The following TRPM8 variants were observed in gnomAD, a reference collection of about 807,000 sequenced individuals.
TRPM8 encodes the protein transient receptor potential cation channel subfamily M member 8, also known as TRPM8 cationic channel.
In TRPM8, 110 loss-of-function variants were observed where a neutral mutation model predicts 133.7. That is an observed-to-expected ratio of 0.82 (90% CI 0.70 to 0.96). The LOEUF (loss-of-function observed/expected upper bound fraction) is 0.96. Among genes scored for constraint, TRPM8 ranks in the 40% least tolerant of loss-of-function variants. TRPM8 has a pLI of 0.00. For synonymous variants in TRPM8, 535 were observed against 532.3 expected, an observed-to-expected ratio of 1.01 and a Z score of -0.07; for missense variants, 1,291 against 1,379.5, an observed-to-expected ratio of 0.94 and a Z score of 1.02.
At chr2:233,970,111 G>A (rs1365056819) in intron 16 of TRPM8, 99 bp from the exon 17 acceptor site, 2 of 1,113,404 alleles carry the variant, frequency 1.8e-6, no homozygotes, top group African/African-American at 3.1e-5. Context: ...TCTTCCTCCT[G>A]GCTATGGGTC....
rs1462360383 is a variant in TRPM8, at chr2:234,019,331, C to T, written c.*2075C>T. ...CTGGTGGATGTTTTTGCAGGTTACT[C>T]TGAGAATTTTGCTTATGAAAAATCA... On this transcript the variant is annotated 3_prime_UTR_variant, in exon 26 of 26. Coordinates refer to ENST00000324695, the MANE Select transcript of TRPM8 (RefSeq NM_024080.5). 6.6e-6 allele frequency: 1 copy of T among 152,174 alleles called. No homozygotes were observed. The highest frequency in any genetic ancestry group is 2.4e-5 in the African/African-American group (1 of 41,446). 9.4% of individuals were successfully genotyped at this position (152,174 alleles called of 1,614,324 possible).
At chr2:234,007,977 C>A in intron 23 of TRPM8, 93 bp from the exon 24 acceptor site, 1 of 1,236,112 alleles carries the variant, frequency 8.1e-7, no homozygotes, top group Non-Finnish European at 1.2e-6. Flanking sequence ...GTATTCTGTA[C>A]TTTAATTTAA....
intron 11 of TRPM8, among the ~76,000 whole-genome samples, chr2:233,957,792 G>A (rs1691329576): frequency 6.6e-6 from 1 of 152,076 alleles, no homozygotes; most frequent in African/African-American, 2.4e-5. Context: ...GGCGACAATG[G>A]GAGTATTTAC....
At chr2:233,923,381 T>C (rs1224764816) in intron 1 of TRPM8, among the ~76,000 whole-genome samples, 1 of 152,166 alleles carries the variant, frequency 6.6e-6, no homozygotes, top group East Asian at 1.9e-4. Flanking sequence ...ACATGACAAA[T>C]CTCCAGTGTT....
At position 233,983,222 on chromosome 2, in the gene TRPM8, ATGG is replaced by A; in HGVS notation, c.2761_2761+2del. The A allele has an allele frequency of 6.2e-7, 1 of 1,614,114 alleles. No homozygotes were observed. Among genetic ancestry groups the A allele is most frequent in the Non-Finnish European group, 8.5e-7 (1 of 1,179,986 alleles). On this transcript the variant is annotated splice_donor_variant and coding_sequence_variant, in exon 20 of 26. Transcript: ENST00000324695. LOFTEE classifies it high-confidence loss of function. The stretch of plus-strand genomic sequence containing the variant: ...TTCGGCCAGGTGCCCAGTGACGTGG[ATGG>A]TAAGCCTGACTTGGCTCAGATGGAA...
intron 17 of TRPM8, among the ~76,000 whole-genome samples, chr2:233,973,115 G>A (rs190801966): frequency 6.6e-6 from 1 of 152,192 alleles, no homozygotes; most frequent in Non-Finnish European, 1.5e-5. Flanking sequence ...GCCCCAGGAC[G>A]GGGCCCTGCT....
At chr2:233,983,709 C>T (rs1692072418) in intron 20 of TRPM8, among the ~76,000 whole-genome samples, 3 of 152,144 alleles carry the variant, frequency 2.0e-5, no homozygotes, top group Admixed American at 6.5e-5. Flanking sequence ...TGCCCACACC[C>T]GATTTACAGA....
intron 2 of TRPM8, 148 bp from the exon 3 acceptor site, chr2:233,930,520 A>T: frequency 1.8e-6 from 1 of 543,910 alleles, no homozygotes; most frequent in South Asian, 4.0e-5. Context: ...TGTATACTCT[A>T]AAGGCATGAA....
At chr2:233,975,319 C>A (rs1022937514) in intron 17 of TRPM8, among the ~76,000 whole-genome samples, 6 of 152,196 alleles carry the variant, frequency 3.9e-5, no homozygotes, top group Non-Finnish European at 8.8e-5. Context: ...CATGGTAACA[C>A]TCAGGAGACC....
At chr2:233,947,705 T>C in intron 8 of TRPM8, 1 of 885,106 alleles carries the variant, frequency 1.1e-6, no homozygotes, top group Non-Finnish European at 1.6e-6. Flanking sequence ...CCAATCTGTA[T>C]GGACTCATTA....
At chr2:233,974,591 C>T (rs1042914052) in intron 17 of TRPM8, among the ~76,000 whole-genome samples, 1 of 152,176 alleles carries the variant, frequency 6.6e-6, no homozygotes, top group Non-Finnish European at 1.5e-5. Context: ...CCCGCTGGTT[C>T]CTGGCAGGCC....
intron 22 of TRPM8, among the ~76,000 whole-genome samples, chr2:234,001,109 C>T (rs749028309): frequency 2.6e-5 from 4 of 152,200 alleles, no homozygotes; most frequent in Non-Finnish European, 1.5e-5. Flanking sequence ...TCACATTTCT[C>T]TCTGCATCCC....
chr2:233,962,505 C>A (rs917374302), intron 12 of TRPM8, among the ~76,000 whole-genome samples: 1 of 152,138 alleles, frequency 6.6e-6, no homozygotes, highest in South Asian at 2.1e-4. Context: ...TGCCTCAAAT[C>A]CTTGTCTCAG....
intron 17 of TRPM8, among the ~76,000 whole-genome samples, chr2:233,975,333 G>C (rs916718572): frequency 6.6e-6 from 1 of 152,180 alleles, no homozygotes; most frequent in Non-Finnish European, 1.5e-5. Context: ...GGAGACCAGC[G>C]CTGGGGAGCT....
At chr2:233,931,587 C>A (rs1264952825) in intron 3 of TRPM8, among the ~76,000 whole-genome samples, 13 of 152,208 alleles carry the variant, frequency 8.5e-5, no homozygotes, top group Admixed American at 8.5e-4. Context: ...CAATTATTCT[C>A]TTTTCTAAAG....
At chr2:233,993,092 A>G (rs545626943) in intron 21 of TRPM8, among the ~76,000 whole-genome samples, 65 of 152,240 alleles carry the variant, frequency 4.3e-4, no homozygotes, top group Admixed American at 9.2e-4. Context: ...ACCTCGGTGT[A>G]TAAATAAATC....
chr2:233,999,401 C>T (rs762099857), intron 22 of TRPM8, among the ~76,000 whole-genome samples: 14 of 152,220 alleles, frequency 9.2e-5, no homozygotes, highest in Non-Finnish European at 1.8e-4. Flanking sequence ...ACTTCTGCTG[C>T]GTTCTATTGG....
chr2:233,985,381 G>A (rs561231166), intron 20 of TRPM8, among the ~76,000 whole-genome samples: 2 of 152,328 alleles, frequency 1.3e-5, no homozygotes, highest in South Asian at 2.1e-4. Context: ...GACTTTAAAT[G>A]TGTGTGGTTG....
intron 17 of TRPM8, among the ~76,000 whole-genome samples, chr2:233,973,521 A>G (rs1182018758): frequency 1.3e-5 from 2 of 152,220 alleles, no homozygotes; most frequent in African/African-American, 4.8e-5. Flanking sequence ...CATTCGTCGT[A>G]CTGGATCAGG....
Sources: allele counts gnomAD v4.1 joint callset (sites outside exome capture counted in the v4.1 genomes callset), GRCh38; gene constraint gnomAD v4.1.1; transcripts MANE v1.5; gene names NCBI Gene and HGNC (gene_info 2026-07-23, HGNC 2026-07-21).